NCOR1: variants seen among roughly 807,000 people sequenced by gnomAD.
The protein encoded by NCOR1 is nuclear receptor corepressor 1.
A neutral mutation model predicts 288.1 loss-of-function variants in NCOR1; 63 were observed. The ratio of observed to expected loss-of-function variants is 0.22; its 90% CI spans 0.18 to 0.27. NCOR1 has a LOEUF of 0.27. Ranked by LOEUF, NCOR1 falls within the 10% of genes least tolerant of loss-of-function variation. The pLI is 1.00. For missense variants in NCOR1, 2,397 were observed against 3,019.2 expected, an observed-to-expected ratio of 0.79 and a Z score of 4.83; for synonymous variants, 1,007 against 1,065.9, an observed-to-expected ratio of 0.94 and a Z score of 1.08.
chr17:16,063,153 G>A (rs2060717355), intron 35 of NCOR1, among the ~76,000 whole-genome samples: 1 of 151,948 alleles, frequency 6.6e-6, no homozygotes, highest in African/African-American at 2.4e-5. Flanking sequence ...CCATTCATCA[G>A]CTTATATGAA....
chr17:16,032,678 C>T (rs76378086), intron 45 of NCOR1, among the ~76,000 whole-genome samples, 195 bp from the exon 46 acceptor site: 1,556 of 152,134 alleles, frequency 0.01, 34 homozygotes, highest in African/African-American at 0.036. Flanking sequence ...GCAGTCAGTG[C>T]GGGTCCAAAA....
intron 14 of NCOR1, among the ~76,000 whole-genome samples, chr17:16,127,715 A>ATATATACATATATGTATATGTGTGTGTG (rs1568211161): frequency 1.5e-5 from 2 of 131,080 alleles, no homozygotes; most frequent in African/African-American, 5.6e-5. Flanking sequence ...ATGTGTGTGT[A>ATATATACATATATGTATATGTGTGTGTG]TATATACATA....
intron 1 of NCOR1, among the ~76,000 whole-genome samples, chr17:16,197,256 G>A (rs1051290348): frequency 6.6e-6 from 1 of 151,938 alleles, no homozygotes; most frequent in African/African-American, 2.4e-5. Context: ...GAGAGGCAGA[G>A]GTTGCAGTGA....
At chr17:16,140,480 A>C (rs1420906199) in intron 11 of NCOR1, among the ~76,000 whole-genome samples, 1 of 152,190 alleles carries the variant, frequency 6.6e-6, no homozygotes, top group African/African-American at 2.4e-5. Context: ...TCTGGGCAGT[A>C]TAGTGAGACC....
chr17:16,210,281 G>T (rs1191668344), intron 1 of NCOR1, among the ~76,000 whole-genome samples: 8 of 151,978 alleles, frequency 5.3e-5, no homozygotes, highest in Non-Finnish European at 1.0e-4. Flanking sequence ...CTACTTGGGA[G>T]GCTGACGCAG....
intron 22 of NCOR1, among the ~76,000 whole-genome samples, chr17:16,090,482 A>C (rs1446259497): frequency 6.6e-6 from 1 of 152,218 alleles, no homozygotes; most frequent in Non-Finnish European, 1.5e-5. Flanking sequence ...GGATATCTCC[A>C]TTATGTCATT....
At chr17:16,158,704 AG>A in intron 6 of NCOR1, 55 bp downstream of exon 6, 1 of 1,014,934 alleles carries the variant, frequency 9.9e-7, no homozygotes, top group Non-Finnish European at 1.5e-6. Context: ...AAAACTGAAA[AG>A]GGCATCGTCA....
intron 1 of NCOR1, 56 bp from the exon 2 acceptor site, chr17:16,194,695 T>C: frequency 1.9e-6 from 1 of 529,314 alleles, no homozygotes; most frequent in South Asian, 2.9e-5. Flanking sequence ...CAAGTGTACT[T>C]CTAATAAATT....
chr17:16,126,270 A>G (rs1375844577), intron 14 of NCOR1, 64 bp from the exon 15 acceptor site: 2 of 1,425,834 alleles, frequency 1.4e-6, no homozygotes, highest in Non-Finnish European at 1.9e-6. Context: ...TTATAGTGTG[A>G]TAAATTATGT....
In NCOR1 at chr17:16,140,997, C is replaced by CAAAAAAAAAAAAAAAA. The variant is rs372397821; in HGVS notation, c.1174-1812_1174-1811insTTTTTTTTTTTTTTTT. ...CAGAGTAAGACCCTATCTCCTATCT[C>CAAAAAAAAAAAAAAAA]AAAAAAAAAAAAAAGGAAAATTCAC... On this transcript the variant is annotated intron_variant, in intron 11 of 45. Coordinates refer to ENST00000268712, the MANE Select transcript of NCOR1 (RefSeq NM_006311.4). Among the ~76,000 whole-genome samples the CAAAAAAAAAAAAAAAA allele has an allele frequency of 4.7e-4, 53 of 113,670 alleles. 1 individual carries two copies. The highest frequency in any genetic ancestry group is 2.8e-3 in the East Asian group (11 of 3,936). 74.6% of individuals were successfully genotyped at this position (113,670 alleles called of 152,430 possible).
chr17:16,207,297 C>A (rs535608424), intron 1 of NCOR1, among the ~76,000 whole-genome samples: 3 of 152,186 alleles, frequency 2.0e-5, no homozygotes, highest in African/African-American at 7.2e-5. Context: ...AATGAATTGC[C>A]TAAAACAAAT....
intron 18 of NCOR1, among the ~76,000 whole-genome samples, chr17:16,113,205 G>A (rs113025352): frequency 7.3e-5 from 11 of 151,582 alleles, no homozygotes; most frequent in African/African-American, 2.2e-4. Context: ...ATAAGCCACC[G>A]CGCCTGGCCA....
chr17:16,055,564 C>G (rs1267172655), intron 40 of NCOR1, among the ~76,000 whole-genome samples: 1 of 152,194 alleles, frequency 6.6e-6, no homozygotes, highest in East Asian at 1.9e-4. Context: ...GAAAAAATAA[C>G]TAATGGGTAC....
At chr17:16,151,804 C>A (rs896670999) in intron 8 of NCOR1, 142 bp downstream of exon 8, 68 of 895,324 alleles carry the variant, frequency 7.6e-5, no homozygotes, top group Non-Finnish European at 1.1e-4. Flanking sequence ...AGGAAGATAA[C>A]ATATAATAAA....
intron 10 of NCOR1, among the ~76,000 whole-genome samples, chr17:16,145,937 T>C (rs2153345083): frequency 6.6e-6 from 1 of 150,858 alleles, no homozygotes; most frequent in South Asian, 2.1e-4. Context: ...GAGACTCCAT[T>C]TTGTTCTGTA....
intron 2 of NCOR1, 125 bp from the exon 3 acceptor site, chr17:16,186,812 T>A (rs2086757905): frequency 6.4e-6 from 5 of 781,352 alleles, no homozygotes; most frequent in Non-Finnish European, 1.0e-5. Flanking sequence ...ACTATTTCAA[T>A]CCTTCATTGA....
intron 20 of NCOR1, among the ~76,000 whole-genome samples, chr17:16,099,091 A>T (rs1424001306): frequency 1.3e-5 from 2 of 152,170 alleles, no homozygotes; most frequent in Non-Finnish European, 2.9e-5. Flanking sequence ...AATGGAAAGA[A>T]CCAACAACAT....
intron 10 of NCOR1, among the ~76,000 whole-genome samples, chr17:16,145,571 A>G (rs2077810215): frequency 1.3e-5 from 2 of 148,228 alleles, no homozygotes; most frequent in South Asian, 4.3e-4. Context: ...GGAGGTGATG[A>G]GCGTCTCTGC....
chr17:16,065,368 T>A, intron 33 of NCOR1, 117 bp downstream of exon 33: 1 of 1,162,384 alleles, frequency 8.6e-7, no homozygotes, highest in Non-Finnish European at 1.2e-6. Flanking sequence ...AGGAAGGATA[T>A]AGTATTCTTT....
Sources: allele counts gnomAD v4.1 joint callset (sites outside exome capture counted in the v4.1 genomes callset), GRCh38; gene constraint gnomAD v4.1.1; transcripts MANE v1.5; gene names NCBI Gene and HGNC (gene_info 2026-07-23, HGNC 2026-07-21).